MCTP1: variants seen among roughly 807,000 people sequenced by gnomAD.
The protein encoded by MCTP1 is multiple C2 and transmembrane domain containing 1, also known as multiple C2 and transmembrane domain-containing protein 1.
A neutral mutation model predicts 120.6 loss-of-function variants in MCTP1; 69 were observed. The observed-to-expected ratio is 0.57, with a 90% confidence interval of 0.47 to 0.70. MCTP1 has a LOEUF of 0.70. Ranked by LOEUF, MCTP1 falls within the 30% of genes least tolerant of loss-of-function variation. MCTP1 has a pLI of 0.00. For missense variants in MCTP1, 1,203 were observed against 1,248.8 expected, an observed-to-expected ratio of 0.96 and a Z score of 0.55; for synonymous variants, 529 against 493.1, an observed-to-expected ratio of 1.07 and a Z score of -0.96.
chr5:94,703,887 A>G lies in MCTP1; in HGVS notation c.*3609T>C, dbSNP rs1753976413. 1 of 151,294 alleles carries G rather than the reference A, an allele frequency of 6.6e-6. No individual in the cohort carries two copies. Among genetic ancestry groups the G allele is most frequent in the Admixed American group, 6.6e-5 (1 of 15,128 alleles). The allele number at this position is 151,294 out of a possible 1,614,324, so 9.4% of individuals were successfully genotyped here. A position where few individuals can be genotyped will look rare whatever the true frequency, so the allele number is the denominator to read the frequency against. On this transcript the variant is annotated 3_prime_UTR_variant, in exon 23 of 23. Transcript: ENST00000515393. ...TGAGATTTTTCAATAGTATTTCTCA[A>G]ATTTTAGCCATTCAGCTGAAGTAAA...
chr5:94,898,748 G>A (rs1804739728), intron 10 of MCTP1, among the ~76,000 whole-genome samples: 1 of 152,162 alleles, frequency 6.6e-6, no homozygotes, highest in African/African-American at 2.4e-5. Flanking sequence ...TATGTTCACA[G>A]ATACATACAC....
intron 10 of MCTP1, among the ~76,000 whole-genome samples, chr5:94,900,472 G>T (rs916715866): frequency 3.3e-5 from 5 of 152,198 alleles, no homozygotes; most frequent in Non-Finnish European, 7.3e-5. Context: ...TGTGTAATGT[G>T]CTCATTCTAC....
At chr5:94,816,631 A>G (rs939879581) in intron 17 of MCTP1, among the ~76,000 whole-genome samples, 2 of 152,076 alleles carry the variant, frequency 1.3e-5, no homozygotes, top group Non-Finnish European at 2.9e-5. Flanking sequence ...CTTCAATTAT[A>G]TGTTTTTATT....
chr5:95,274,061 C>T (rs1248038799), intron 1 of MCTP1, among the ~76,000 whole-genome samples: 6 of 152,216 alleles, frequency 3.9e-5, no homozygotes, highest in Non-Finnish European at 8.8e-5. Context: ...CCAGTCACTA[C>T]CCTGCTCAAT....
intron 1 of MCTP1, among the ~76,000 whole-genome samples, chr5:95,139,217 T>C (rs889955301): frequency 6.6e-6 from 1 of 152,214 alleles, no homozygotes; most frequent in African/African-American, 2.4e-5. Flanking sequence ...GCATGCTAAT[T>C]GCCAGAAACA....
intron 1 of MCTP1, among the ~76,000 whole-genome samples, chr5:95,277,937 T>G (rs1033353573): frequency 6.6e-6 from 1 of 152,160 alleles, no homozygotes; most frequent in Admixed American, 6.5e-5. Context: ...CAAATACAGT[T>G]TTCCATATTG....
intron 1 of MCTP1, among the ~76,000 whole-genome samples, chr5:95,253,288 C>A (rs1757551895): frequency 6.6e-6 from 1 of 152,050 alleles, no homozygotes; most frequent in Admixed American, 6.6e-5. Context: ...TTATTCATAA[C>A]CGTACAAGAA....
Position 95,279,592 on chromosome 5 carries a change from G to T in MCTP1, c.720+4264C>A, listed in dbSNP as rs555980274. ...CTTTCCAATAATAATAACAAGCACA[G>T]CAGCAATTGCTAATGTTTATTGAAC... On this transcript the variant is annotated intron_variant, in intron 1 of 22. Transcript: ENST00000515393. 8.5e-5 allele frequency among the ~76,000 whole-genome samples: 13 copies of T among 152,266 alleles called. No homozygotes were observed. The South Asian group carries it at 2.3e-3, about 27-fold the overall frequency.
intron 1 of MCTP1, among the ~76,000 whole-genome samples, chr5:95,136,578 C>T (rs1033305246): frequency 2.6e-5 from 4 of 151,978 alleles, no homozygotes; most frequent in Admixed American, 6.6e-5. Flanking sequence ...GAAATCTTTG[C>T]GGAAGGAAGT....
chr5:95,179,593 G>T lies in MCTP1; in HGVS notation c.720+104263C>A, dbSNP rs894832418. On this transcript the variant is annotated intron_variant, in intron 1 of 22. Transcript: ENST00000515393. Reference sequence around the variant, plus strand: ...AGAGAAACTAGGCTTCATAAATGAAGGAAAGATACAGTCTTTTCCAGACAT... The same window carrying T: ...AGAGAAACTAGGCTTCATAAATGAATGAAAGATACAGTCTTTTCCAGACAT... Among the ~76,000 whole-genome samples, 4 of 152,256 alleles carry T rather than the reference G, an allele frequency of 2.6e-5. No homozygotes were observed. In the East Asian group the frequency reaches 7.7e-4, roughly 29 times the overall value.
chr5:95,165,722 C>A (rs1313106342), intron 1 of MCTP1, among the ~76,000 whole-genome samples: 1 of 152,172 alleles, frequency 6.6e-6, no homozygotes, highest in Non-Finnish European at 1.5e-5. Context: ...TTATCTTAAT[C>A]TGTGAGTCTG....
chr5:95,275,020 T>C lies in MCTP1; in HGVS notation c.720+8836A>G, dbSNP rs534446795. On this transcript the variant is annotated intron_variant, in intron 1 of 22. Transcript: ENST00000515393. ...CATCTCACCACTCATTTCTCCTGGC[T>C]GGTGAACTCATCCCATTAGTTTGTA... 1.5e-3 allele frequency among the ~76,000 whole-genome samples: 233 copies of C among 152,270 alleles called. 1 individual carries two copies. Among genetic ancestry groups the C allele is most frequent in the Non-Finnish European group, 6.5e-4 (44 of 68,032 alleles).
intron 1 of MCTP1, among the ~76,000 whole-genome samples, chr5:95,186,273 A>G (rs9654482): frequency 0.021 from 2,055 of 96,472 alleles, 16 homozygotes; most frequent in Middle Eastern, 0.044. Context: ...AAAAAAAAAG[A>G]AAAAAAAGAA....
At chr5:95,269,635 G>A (rs1290588424) in intron 1 of MCTP1, among the ~76,000 whole-genome samples, 3 of 152,224 alleles carry the variant, frequency 2.0e-5, no homozygotes, top group African/African-American at 7.2e-5. Context: ...CACAAATCAT[G>A]GGTTTGGGTA....
At chr5:95,099,207 C>T (rs1273627026) in intron 1 of MCTP1, among the ~76,000 whole-genome samples, 1 of 152,176 alleles carries the variant, frequency 6.6e-6, no homozygotes, top group Non-Finnish European at 1.5e-5. Context: ...AGGACATAGG[C>T]ACGGGCAAGG....
At chr5:94,791,274 G>T (rs1358446632) in intron 18 of MCTP1, among the ~76,000 whole-genome samples, 1 of 151,920 alleles carries the variant, frequency 6.6e-6, no homozygotes, top group Non-Finnish European at 1.5e-5. Flanking sequence ...CTCCAGCCTG[G>T]GTGACAGAGT....
chr5:94,906,628 A>G (rs1182308781), intron 10 of MCTP1, among the ~76,000 whole-genome samples: 1 of 152,206 alleles, frequency 6.6e-6, no homozygotes, highest in Non-Finnish European at 1.5e-5. Flanking sequence ...TCTGTTATTG[A>G]GTTTGCATTT....
chr5:94,772,050 T>C lies in MCTP1; in HGVS notation c.2610+7060A>G, dbSNP rs75493644. ...TCCCCACCCCCTACCAGTTAGTTTG[T>C]GTTTTACTGATACCGTGCACCCTGT... On this transcript the variant is annotated intron_variant, in intron 19 of 22. Coordinates refer to ENST00000515393, the MANE Select transcript of MCTP1 (RefSeq NM_024717.7). Among the ~76,000 whole-genome samples the C allele has an allele frequency of 3.0e-3, 450 of 152,260 alleles. 3 individuals are homozygous for C. The highest frequency in any genetic ancestry group is 0.01 in the African/African-American group (431 of 41,552).
chr5:94,958,671 A>G (rs1823314895), intron 2 of MCTP1, among the ~76,000 whole-genome samples: 1 of 152,224 alleles, frequency 6.6e-6, no homozygotes, highest in South Asian at 2.1e-4. Flanking sequence ...AAAATCTAGA[A>G]GAAATGGATA....
Sources: allele counts gnomAD v4.1 joint callset (sites outside exome capture counted in the v4.1 genomes callset), GRCh38; gene constraint gnomAD v4.1.1; transcripts MANE v1.5; gene names NCBI Gene and HGNC (gene_info 2026-07-23, HGNC 2026-07-21).